The following SNX3 variants were observed in gnomAD, a reference collection of about 807,000 sequenced individuals.
SNX3 encodes the protein sorting nexin-3.
SNX3 carries 5 observed loss-of-function variants against 17.7 expected under a neutral mutation model. The observed-to-expected ratio is 0.28, with a 90% confidence interval of 0.15 to 0.59. The LOEUF (loss-of-function observed/expected upper bound fraction) is 0.59, where lower values mean the gene tolerates loss of function less well. SNX3 is among the 20% of genes least tolerant of loss of function. The pLI, the probability that SNX3 is intolerant of heterozygous loss-of-function variation, is 0.88. For synonymous variants in SNX3, 91 were observed against 76.5 expected, an observed-to-expected ratio of 1.19 and a Z score of -0.99; for missense variants, 132 against 206.8, an observed-to-expected ratio of 0.64 and a Z score of 2.22.
chr6:108,216,206 G>T (rs914644404), intron 2 of SNX3, among the ~76,000 whole-genome samples: 2 of 151,996 alleles, frequency 1.3e-5, no homozygotes, highest in African/African-American at 4.8e-5. Context: ...CCAAATAGCC[G>T]GGACACTACA....
At chr6:108,225,264 T>A (rs1257897742) in intron 1 of SNX3, among the ~76,000 whole-genome samples, 3 of 148,660 alleles carry the variant, frequency 2.0e-5, no homozygotes, top group Non-Finnish European at 3.0e-5. Flanking sequence ...CCTGGGCGAC[T>A]GAGCGAGACT....
intron 1 of SNX3, among the ~76,000 whole-genome samples, chr6:108,245,295 C>CT (rs972340398): frequency 6.6e-6 from 1 of 152,122 alleles, no homozygotes; most frequent in African/African-American, 2.4e-5. Context: ...TGAACTCGTT[C>CT]TTTTTTATGG....
intron 1 of SNX3, among the ~76,000 whole-genome samples, chr6:108,243,252 C>T (rs956622849): frequency 3.3e-5 from 5 of 151,922 alleles, no homozygotes; most frequent in African/African-American, 9.7e-5. Context: ...ACTATAGGCA[C>T]AAACCACTGC....
rs968493134 is a variant in SNX3 at position 108,260,989 on chromosome 6, CGCT to C, written c.-71_-69del. 33 of 1,285,446 alleles carry C rather than the reference CGCT, an allele frequency of 2.6e-5. No homozygotes were observed. The African/African-American group carries it at 3.6e-4, about 14-fold the overall frequency. 79.6% of individuals were successfully genotyped at this position (1,285,446 alleles called of 1,614,324 possible). On this transcript the variant is annotated 5_prime_UTR_variant, in exon 1 of 4. Transcript: ENST00000230085. The stretch of plus-strand genomic sequence containing the variant: ...CTCCGCGTTCAGCCGCCGCCGCCGC[CGCT>C]GCTGCCCGCCGTGGGGACACGGGGC...
At position 108,260,772 on chromosome 6, in the gene SNX3, T is replaced by G; in HGVS notation, c.150A>C (p.Glu50Asp). 6.2e-7 allele frequency: 1 copy of G among 1,613,674 alleles called. No individual in the cohort carries two copies. ...GVGRGRFTTY[E>D]IRVKTNLPIF... ...GAGACGGCCTCACCTTGACCCTGAT[T>G]TCGTAAGTGGTGAAGCGGCCCCGGC... The change falls in exon 1 of 4, where the codon GAA becomes GAC. Residue 50 changes from glutamate (E) to aspartate (D), a missense_variant. Around this residue, in one of 2 missense-constraint regions of SNX3, gnomAD observed 78 missense variants for 88.8 expected, o/e 0.88. Coordinates refer to ENST00000230085, the MANE Select transcript of SNX3 (RefSeq NM_003795.6).
At chr6:108,246,075 T>G (rs6942160) in intron 1 of SNX3, among the ~76,000 whole-genome samples, 10,891 of 152,108 alleles carry the variant, frequency 0.072, 1,344 homozygotes, top group African/African-American at 0.25. Flanking sequence ...GGTTTTAGGT[T>G]TTACGTTTAA....
chr6:108,223,544 C>T (rs548490504), intron 1 of SNX3, among the ~76,000 whole-genome samples: 12 of 124,850 alleles, frequency 9.6e-5, no homozygotes, highest in African/African-American at 3.9e-4. Flanking sequence ...ATCTCACTGT[C>T]GCCCAGGCAG....
Position 108,221,757 on chromosome 6 carries a change from C to T in SNX3, c.258+1193G>A, listed in dbSNP as rs563629495. The stretch of plus-strand genomic sequence containing the variant: ...GATGGGGTTTCGCATGTTGCCCACG[C>T]TGGTCTCGAACTCCTTGGCTTAAGT... On this transcript the variant is annotated intron_variant, in intron 2 of 3. Coordinates refer to ENST00000230085, the MANE Select transcript of SNX3 (RefSeq NM_003795.6). Among the ~76,000 whole-genome samples the T allele has an allele frequency of 2.1e-4, 32 of 151,976 alleles. No homozygotes were observed. The East Asian group carries it at 6.0e-3, about 29-fold the overall frequency.
At chr6:108,234,255 A>ATATATAT (rs59669879) in intron 1 of SNX3, among the ~76,000 whole-genome samples, 1 of 151,468 alleles carries the variant, frequency 6.6e-6, no homozygotes, top group African/African-American at 2.4e-5. Flanking sequence ...ATATATATAT[A>ATATATAT]ACATATACAT....
rs552436932 is a variant in SNX3 at position 108,224,886 on chromosome 6, T to G, written c.163-1841A>C. On this transcript the variant is annotated intron_variant, in intron 1 of 3. Coordinates refer to ENST00000230085, the MANE Select transcript of SNX3 (RefSeq NM_003795.6). ...TAAGAAAATTTCTGGAGACTGTTCT[T>G]TTTAAGATTGCAAAGGCTACTTGTT... 5.7e-4 allele frequency among the ~76,000 whole-genome samples: 87 copies of G among 152,334 alleles called. 1 individual carries two copies. In the Middle Eastern group the frequency reaches 0.01, roughly 18 times the overall value.
intron 1 of SNX3, among the ~76,000 whole-genome samples, chr6:108,224,595 A>T (rs1474539392): frequency 6.6e-6 from 1 of 152,190 alleles, no homozygotes; most frequent in African/African-American, 2.4e-5. Flanking sequence ...AGCTGCTTCT[A>T]AATGAAACCA....
intron 1 of SNX3, among the ~76,000 whole-genome samples, chr6:108,234,103 G>A (rs1012137612): frequency 6.6e-6 from 1 of 152,064 alleles, no homozygotes; most frequent in Non-Finnish European, 1.5e-5. Context: ...GGGGAGGGGA[G>A]AGCGGAATAC....
chr6:108,228,140 T>C (rs1282910227), intron 1 of SNX3, among the ~76,000 whole-genome samples: 1 of 152,120 alleles, frequency 6.6e-6, no homozygotes, highest in East Asian at 1.9e-4. Flanking sequence ...TGGCTGGGCA[T>C]GATGGCTCAA....
intron 3 of SNX3, 30 bp from the exon 4 acceptor site, chr6:108,212,284 A>G (rs759683486): frequency 1.4e-6 from 2 of 1,449,072 alleles, no homozygotes; most frequent in Non-Finnish European, 1.9e-6. Context: ...ATTTAGTCCA[A>G]TATTTTATAC....
At chr6:108,216,882 T>C (rs548978378) in intron 2 of SNX3, among the ~76,000 whole-genome samples, 58 of 152,212 alleles carry the variant, frequency 3.8e-4, no homozygotes, top group Non-Finnish European at 6.3e-4. Flanking sequence ...ATGATGAAGA[T>C]ATCTATGGAT....
chr6:108,247,876 T>C (rs542377418), intron 1 of SNX3, among the ~76,000 whole-genome samples: 323 of 152,058 alleles, frequency 2.1e-3, no homozygotes, highest in African/African-American at 7.3e-3. Context: ...GGCAGGAGGA[T>C]TGCTTGAGCT....
intron 1 of SNX3, among the ~76,000 whole-genome samples, chr6:108,237,530 A>C (rs1002281999): frequency 1.2e-4 from 18 of 152,224 alleles, no homozygotes; most frequent in Non-Finnish European, 1.5e-4. Flanking sequence ...TCACGCCTGT[A>C]ATCTCAGCAC....
intron 1 of SNX3, among the ~76,000 whole-genome samples, chr6:108,259,088 C>A (rs1438921190): frequency 6.6e-6 from 1 of 152,074 alleles, no homozygotes. Flanking sequence ...AGAGGAAGTT[C>A]TTTTTAGTGA....
At chr6:108,223,917 T>C (rs1251383515) in intron 1 of SNX3, among the ~76,000 whole-genome samples, 1 of 152,196 alleles carries the variant, frequency 6.6e-6, no homozygotes, top group African/African-American at 2.4e-5. Context: ...CATTTTCTTA[T>C]TATTTCAGTG....
Sources: allele counts gnomAD v4.1 joint callset (sites outside exome capture counted in the v4.1 genomes callset), GRCh38; gene constraint gnomAD v4.1.1; regional missense constraint gnomAD v4.1.1; transcripts MANE v1.5; gene names NCBI Gene and HGNC (gene_info 2026-07-23, HGNC 2026-07-21).